IGF2BP2: variants seen among roughly 807,000 people sequenced by gnomAD.
IGF2BP2 encodes insulin-like growth factor 2 mRNA-binding protein 2.
Under a neutral mutation model 75.8 loss-of-function variants are expected in IGF2BP2, and 17 were observed. The observed-to-expected ratio is 0.22, with a 90% CI of 0.15 to 0.34. IGF2BP2 has a LOEUF of 0.34. Ranked by LOEUF, IGF2BP2 falls within the 10% of genes least tolerant of loss-of-function variation. The pLI is 1.00. For missense variants in IGF2BP2, 516 were observed against 772.4 expected (o/e 0.67, Z 3.93); for synonymous variants, 288 against 295.6 (o/e 0.97, Z 0.26).
intron 2 of IGF2BP2, among the ~76,000 whole-genome samples, chr3:185,762,639 T>A (rs191711934): frequency 2.0e-5 from 3 of 152,112 alleles, no homozygotes; most frequent in Non-Finnish European, 4.4e-5. Flanking sequence ...GTCAAATCCC[T>A]TGAAGAAGCT....
At chr3:185,754,306 G>C (rs1483631033) in intron 2 of IGF2BP2, among the ~76,000 whole-genome samples, 1 of 152,020 alleles carries the variant, frequency 6.6e-6, no homozygotes, top group Non-Finnish European at 1.5e-5. Flanking sequence ...CTTCTGCCAT[G>C]ACTAGAAGCT....
intron 2 of IGF2BP2, among the ~76,000 whole-genome samples, chr3:185,761,876 G>A (rs576492164): frequency 3.3e-5 from 5 of 152,282 alleles, no homozygotes; most frequent in South Asian, 4.1e-4. Context: ...CCCTGCATTC[G>A]ATCCAAGGGG....
chr3:185,816,901 T>C (rs1042786194), intron 2 of IGF2BP2, among the ~76,000 whole-genome samples: 1 of 152,140 alleles, frequency 6.6e-6, no homozygotes, highest in African/African-American at 2.4e-5. Flanking sequence ...AATTTAAAAA[T>C]TCAAGCTTCC....
chr3:185,821,946 A>G (rs2150070388), intron 2 of IGF2BP2, among the ~76,000 whole-genome samples: 1 of 152,282 alleles, frequency 6.6e-6, no homozygotes, highest in African/African-American at 2.4e-5. Context: ...CAATAGAGGA[A>G]AGAACTAGCT....
At chr3:185,713,004 A>AT (rs1414956287) in intron 2 of IGF2BP2, among the ~76,000 whole-genome samples, 1 of 152,184 alleles carries the variant, frequency 6.6e-6, no homozygotes, top group East Asian at 1.9e-4. Context: ...TTTTGAAAGT[A>AT]TAAGGTTATT....
chr3:185,791,632 G>A (rs1560476326), intron 2 of IGF2BP2, among the ~76,000 whole-genome samples: 1 of 152,182 alleles, frequency 6.6e-6, no homozygotes, highest in Admixed American at 6.5e-5. Context: ...ATCACCTGGA[G>A]GCCATCTTTC....
At chr3:185,776,974 G>A (rs148291672) in intron 2 of IGF2BP2, among the ~76,000 whole-genome samples, 1 of 152,336 alleles carries the variant, frequency 6.6e-6, no homozygotes, top group African/African-American at 2.4e-5. Flanking sequence ...GGTCAAGACA[G>A]AAGCAGACTC....
chr3:185,734,554 G>C (rs1432623418), intron 2 of IGF2BP2, among the ~76,000 whole-genome samples: 1 of 152,212 alleles, frequency 6.6e-6, no homozygotes, highest in African/African-American at 2.4e-5. Context: ...AAAAACGAGT[G>C]AAAGCTGGTT....
At chr3:185,816,193 TA>T (rs1194643673) in intron 2 of IGF2BP2, among the ~76,000 whole-genome samples, 1 of 152,176 alleles carries the variant, frequency 6.6e-6, no homozygotes, top group African/African-American at 2.4e-5. Flanking sequence ...GTTCGCTGTC[TA>T]ATCTGTGTGG....
At chr3:185,741,904 T>G (rs2149572022) in intron 2 of IGF2BP2, among the ~76,000 whole-genome samples, 1 of 152,298 alleles carries the variant, frequency 6.6e-6, no homozygotes, top group East Asian at 1.9e-4. Context: ...GCAATGGCAC[T>G]CTGAGAAACA....
At chr3:185,704,104 A>G (rs1290024674) in intron 2 of IGF2BP2, among the ~76,000 whole-genome samples, 1 of 152,154 alleles carries the variant, frequency 6.6e-6, no homozygotes, top group Non-Finnish European at 1.5e-5. Flanking sequence ...TTCTACCCAA[A>G]TACGTCCCAT....
chr3:185,797,056 C>T (rs1737515620), intron 2 of IGF2BP2, among the ~76,000 whole-genome samples: 1 of 152,168 alleles, frequency 6.6e-6, no homozygotes, highest in African/African-American at 2.4e-5. Flanking sequence ...TGTTTCTCCC[C>T]ACTTCCCCAG....
At chr3:185,789,727 A>ATTTTTTTTTTTTTTTTTTTTTTTTT (rs10602691) in intron 2 of IGF2BP2, among the ~76,000 whole-genome samples, 1 of 111,594 alleles carries the variant, frequency 9.0e-6, no homozygotes. Context: ...ACAACCAGGA[A>ATTTTTTTTTTTTTTTTTTTTTTTTT]TTTTTTTTTT....
chr3:185,808,718 C>T (rs1429890379), intron 2 of IGF2BP2, among the ~76,000 whole-genome samples: 4 of 134,582 alleles, frequency 3.0e-5, no homozygotes, highest in Non-Finnish European at 4.6e-5. Context: ...TGCCACCACA[C>T]CTGGCTATTT....
chr3:185,743,204 CAAAT>C (rs1221718871), intron 2 of IGF2BP2, among the ~76,000 whole-genome samples: 9 of 151,722 alleles, frequency 5.9e-5, no homozygotes, highest in African/African-American at 1.7e-4. Context: ...CTTTAAGTAA[CAAAT>C]AAAACACACC....
chr3:185,675,185 G>A, intron 9 of IGF2BP2, 111 bp downstream of exon 9: 2 of 1,046,702 alleles, frequency 1.9e-6, no homozygotes, highest in Non-Finnish European at 1.4e-6. Flanking sequence ...TTTATCCTAG[G>A]AAGTCAGGAA....
intron 2 of IGF2BP2, among the ~76,000 whole-genome samples, chr3:185,721,584 T>C (rs147244466): frequency 6.1e-4 from 93 of 152,322 alleles, no homozygotes; most frequent in African/African-American, 2.2e-3. Flanking sequence ...TCTCAGCAAG[T>C]GAATTATGTA....
intron 2 of IGF2BP2, among the ~76,000 whole-genome samples, chr3:185,788,715 T>G (rs1194896872): frequency 1.9e-5 from 2 of 107,782 alleles, no homozygotes; most frequent in Non-Finnish European, 3.5e-5. Flanking sequence ...AACGACTTTT[T>G]TTTTTTTTTT....
chr3:185,696,411 C>A (rs1578003600), intron 4 of IGF2BP2: 1 of 567,950 alleles, frequency 1.8e-6, no homozygotes, highest in East Asian at 2.8e-5. Context: ...AAAAGGCAAA[C>A]TACATAGACA....
Sources: gnomAD v4.1 joint callset for allele counts (sites outside exome capture counted in the v4.1 genomes callset) on GRCh38, gnomAD v4.1.1 for gene constraint, MANE v1.5 for transcripts, NCBI Gene and HGNC (gene_info 2026-07-23, HGNC 2026-07-21) for gene names.